The following PDGFD variants were observed in gnomAD, a reference collection of about 807,000 sequenced individuals.
PDGFD encodes the protein platelet-derived growth factor D.
A neutral mutation model predicts 44.7 loss-of-function variants in PDGFD; 30 were observed. The ratio of observed to expected loss-of-function variants is 0.67; its 90% CI spans 0.50 to 0.91. The LOEUF is 0.91. PDGFD is among the 40% of genes least tolerant of loss of function. The pLI is 0.00. For synonymous variants in PDGFD, 173 were observed against 168.4 expected (o/e 1.03, Z -0.21); for missense variants, 445 against 457.8 (o/e 0.97, Z 0.25).
intron 1 of PDGFD, among the ~76,000 whole-genome samples, chr11:104,128,657 A>T (rs1861873890): frequency 6.6e-6 from 1 of 151,978 alleles, no homozygotes; most frequent in African/African-American, 2.4e-5. Flanking sequence ...GAATGAGAAA[A>T]CTCTGGTTTG....
intron 6 of PDGFD, among the ~76,000 whole-genome samples, chr11:103,924,352 A>T (rs1368848661): frequency 6.6e-6 from 1 of 152,236 alleles, no homozygotes; most frequent in African/African-American, 2.4e-5. Flanking sequence ...GGGTATGATT[A>T]AAGGTTATAA....
chr11:103,984,201 T>C (rs1859317767), intron 3 of PDGFD, among the ~76,000 whole-genome samples: 1 of 151,606 alleles, frequency 6.6e-6, no homozygotes, highest in African/African-American at 2.4e-5. Flanking sequence ...AAATGTGGTA[T>C]ATATACACTA....
chr11:104,032,880 G>T (rs1374335903), intron 1 of PDGFD, among the ~76,000 whole-genome samples: 5 of 151,844 alleles, frequency 3.3e-5, no homozygotes, highest in Non-Finnish European at 7.4e-5. Flanking sequence ...TTCTTATATT[G>T]TACTTACTAA....
chr11:104,143,757 A>T (rs980271842), intron 1 of PDGFD, among the ~76,000 whole-genome samples: 1 of 152,250 alleles, frequency 6.6e-6, no homozygotes, highest in African/African-American at 2.4e-5. Flanking sequence ...TAAAATACAG[A>T]TGAATCAAGT....
At chr11:104,097,763 G>A (rs971590685) in intron 1 of PDGFD, among the ~76,000 whole-genome samples, 2 of 152,184 alleles carry the variant, frequency 1.3e-5, no homozygotes, top group African/African-American at 4.8e-5. Context: ...AGAAATGGAG[G>A]CTTAGTGGTA....
chr11:103,909,642 C>G lies in PDGFD; in HGVS notation c.*52G>C, dbSNP rs1857996927. The G allele has an allele frequency of 6.2e-7, 1 of 1,605,672 alleles. No individual in the cohort carries two copies. Among genetic ancestry groups the G allele is most frequent in the Non-Finnish European group, 8.5e-7 (1 of 1,173,078 alleles). On this transcript the variant is annotated 3_prime_UTR_variant, in exon 7 of 7. Transcript: ENST00000393158. ...TAGGAAAAGGGTCTCTTATCTCACC[C>G]TCCTTAAACTAAAGGTTCTTTCAGG... is the stretch of plus-strand genomic sequence containing the variant.
intron 1 of PDGFD, among the ~76,000 whole-genome samples, chr11:104,003,448 G>C (rs996123793): frequency 6.6e-6 from 1 of 152,222 alleles, no homozygotes; most frequent in African/African-American, 2.4e-5. Flanking sequence ...AATGCCTGGA[G>C]CATCAAGGTC....
intron 3 of PDGFD, among the ~76,000 whole-genome samples, chr11:103,948,421 G>A (rs2134326260): frequency 6.6e-6 from 1 of 152,286 alleles, no homozygotes; most frequent in South Asian, 2.1e-4. Flanking sequence ...GATAGCAATA[G>A]ATCACACAGA....
intron 5 of PDGFD, among the ~76,000 whole-genome samples, chr11:103,929,371 C>G (rs371128148): frequency 6.6e-6 from 1 of 152,052 alleles, no homozygotes; most frequent in South Asian, 2.1e-4. Flanking sequence ...TGGTGAATGG[C>G]CACATCCTTA....
intron 1 of PDGFD, among the ~76,000 whole-genome samples, chr11:104,071,595 T>C (rs1860878174): frequency 1.3e-5 from 2 of 151,850 alleles, no homozygotes; most frequent in African/African-American, 2.4e-5. Context: ...CTCCTAGTTG[T>C]TTTTTGTCAG....
At chr11:104,148,970 T>C (rs1004445204) in intron 1 of PDGFD, among the ~76,000 whole-genome samples, 4 of 152,224 alleles carry the variant, frequency 2.6e-5, no homozygotes. Flanking sequence ...TGTACCAAAA[T>C]AACTTCATGT....
intron 3 of PDGFD, among the ~76,000 whole-genome samples, chr11:103,956,743 T>C (rs1057138198): frequency 9.9e-5 from 15 of 152,130 alleles, no homozygotes; most frequent in Non-Finnish European, 2.1e-4. Context: ...GACTTTTTAA[T>C]GATTGCCATT....
At chr11:103,937,508 C>T (rs958418546) in intron 5 of PDGFD, among the ~76,000 whole-genome samples, 8 of 151,932 alleles carry the variant, frequency 5.3e-5, no homozygotes. Context: ...ATACATTGTC[C>T]TTAAATTCAT....
At chr11:104,082,129 C>CATATATATATATATATATATATATAT (rs1389312680) in intron 1 of PDGFD, among the ~76,000 whole-genome samples, 8 of 61,242 alleles carry the variant, frequency 1.3e-4, no homozygotes, top group Admixed American at 2.9e-4. Flanking sequence ...TGTCCATATA[C>CATATATATATATATATATATATATAT]ATACATACAT....
intron 1 of PDGFD, among the ~76,000 whole-genome samples, chr11:104,027,513 T>C (rs150907510): frequency 7.9e-4 from 121 of 152,346 alleles, no homozygotes; most frequent in African/African-American, 2.8e-3. Context: ...ATTGTCATCA[T>C]CCCCATTTTA....
chr11:104,113,728 T>A (rs1170850718), intron 1 of PDGFD, among the ~76,000 whole-genome samples: 1 of 152,098 alleles, frequency 6.6e-6, no homozygotes, highest in Non-Finnish European at 1.5e-5. Flanking sequence ...CATGTTGCAT[T>A]CCTACCAGCT....
At chr11:104,076,846 TGAG>T (rs1860967795) in intron 1 of PDGFD, among the ~76,000 whole-genome samples, 1 of 152,164 alleles carries the variant, frequency 6.6e-6, no homozygotes, top group Admixed American at 6.5e-5. Context: ...AACGTGAGGA[TGAG>T]GAGGATGAAG....
intron 1 of PDGFD, among the ~76,000 whole-genome samples, chr11:104,115,927 T>A (rs907090227): frequency 2.6e-5 from 4 of 152,108 alleles, no homozygotes; most frequent in East Asian, 3.9e-4. Context: ...TGTTGTAGAT[T>A]CTGGATATTA....
intron 1 of PDGFD, among the ~76,000 whole-genome samples, chr11:104,119,449 T>A (rs1243800511): frequency 1.4e-5 from 1 of 72,104 alleles, no homozygotes; most frequent in African/African-American, 5.6e-5. Flanking sequence ...TATAATATAT[T>A]GATATAATAT....
Sources: gnomAD v4.1 joint callset for allele counts (sites outside exome capture counted in the v4.1 genomes callset) on GRCh38, gnomAD v4.1.1 for gene constraint, MANE v1.5 for transcripts, NCBI Gene and HGNC (gene_info 2026-07-23, HGNC 2026-07-21) for gene names.